Variants in PCDHGB7 observed in about 807,000 individuals in gnomAD.
The protein encoded by PCDHGB7 is protocadherin gamma subfamily B, 7.
A neutral mutation model predicts 61.4 loss-of-function variants in PCDHGB7; 37 were observed. The observed-to-expected ratio is 0.60, with a 90% CI of 0.46 to 0.79. The LOEUF (loss-of-function observed/expected upper bound fraction) is 0.79, where lower values mean the gene tolerates loss of function less well. Ranked by LOEUF, PCDHGB7 falls within the 30% of genes least tolerant of loss-of-function variation. The probability of loss-of-function intolerance (pLI) is 0.00; values close to 1 mark genes in which losing one functional copy is unlikely to be tolerated. For synonymous variants in PCDHGB7, 464 were observed against 503.5 expected (o/e 0.92, Z 1.05); for missense variants, 1,166 against 1,202.5 (o/e 0.97, Z 0.45).
chr5:141,478,164 C>G lies in PCDHGB7; in HGVS notation c.2416-16643C>G, dbSNP rs202185809. On this transcript the variant is annotated intron_variant, in intron 1 of 3. Transcript: ENST00000398594. Reference sequence around the variant, plus strand: ...GCCGAGTTCCCCTCTGGCTCTGCCCCCCGGGAGCAGAAAAAAAATCTCACC... The same window carrying G: ...GCCGAGTTCCCCTCTGGCTCTGCCCGCCGGGAGCAGAAAAAAAATCTCACC... The G allele has an allele frequency of 1.0e-4, 167 of 1,613,890 alleles. No homozygotes were observed. Among genetic ancestry groups the G allele is most frequent in the Non-Finnish European group, 1.3e-4 (157 of 1,180,048 alleles).
chr5:141,428,406 C>T (rs908202809), intron 1 of PCDHGB7: 1 of 473,274 alleles, frequency 2.1e-6, no homozygotes, highest in Non-Finnish European at 3.9e-6. Context: ...CCTGGGGTTG[C>T]TTTCACCCTG....
rs950537869 is a variant in PCDHGB7, at chr5:141,432,150, A to G, written c.2415+11876A>G. 6.2e-7 allele frequency: 1 copy of G among 1,614,010 alleles called. No homozygotes were observed. On this transcript the variant is annotated intron_variant, in intron 1 of 3. Coordinates refer to ENST00000398594, the MANE Select transcript of PCDHGB7 (RefSeq NM_018927.4). The surrounding 1 kb of genome is among the most constrained non-coding windows in gnomAD (Gnocchi z 6.0). ...TCCTATTCCGCTTATATCCCAGAGA[A>G]CAATCCCAGAGGAGTTTCCCTCGTC...
chr5:141,504,510 C>T (rs2099838864), intron 2 of PCDHGB7, among the ~76,000 whole-genome samples: 1 of 151,952 alleles, frequency 6.6e-6, no homozygotes, highest in Non-Finnish European at 1.5e-5. Context: ...GAGTGGATCT[C>T]CTCTGATATA....
At chr5:141,423,695 G>T in intron 1 of PCDHGB7, 1 of 1,338,020 alleles carries the variant, frequency 7.5e-7, no homozygotes, top group Non-Finnish European at 9.7e-7. Context: ...AATTGTTGGT[G>T]TCTTGGCACA....
chr5:141,443,136 C>T (rs910953831), intron 1 of PCDHGB7, among the ~76,000 whole-genome samples: 1 of 152,160 alleles, frequency 6.6e-6, no homozygotes, highest in African/African-American at 2.4e-5. Context: ...AGAACACTAT[C>T]ATAAGTTATA....
In PCDHGB7 at chr5:141,419,360, C is replaced by T. The variant is rs763624320; in HGVS notation, c.1501C>T (p.Leu501=). Residue 501 remains leucine, a synonymous_variant, in exon 1 of 4, where the codon CTG becomes TTG. Transcript: ENST00000398594. ...LIASDLESRT[L]SSYVSVSAQS... is the part of the protein sequence containing the mutation. ...TGCCAGCGACCTGGAGTCACGAACG[C>T]TGTCGTCCTACGTGTCCGTGAGCGC... 1 of 1,613,818 alleles carries T rather than the reference C, an allele frequency of 6.2e-7. No homozygotes were observed. Among genetic ancestry groups the T allele is most frequent in the South Asian group, 1.1e-5 (1 of 91,086 alleles).
Position 141,485,625 on chromosome 5 carries a change from G to T in PCDHGB7, c.2416-9182G>T. 6.2e-7 allele frequency: 1 copy of T among 1,611,968 alleles called. No individual in the cohort carries two copies. On this transcript the variant is annotated intron_variant, in intron 1 of 3. Transcript: ENST00000398594. This position sits in a 1 kb window ranked among gnomAD's most constrained non-coding sequence, Gnocchi z 5.7. ...GGGGAGGCAGCTCCTCCAGGACAGC[G>T]TTTCCCGTTGGAAAAGGCTCAGGAT...
chr5:141,431,603 C>T lies in PCDHGB7; in HGVS notation c.2415+11329C>T, dbSNP rs746243366. On this transcript the variant is annotated intron_variant, in intron 1 of 3. Coordinates refer to ENST00000398594, the MANE Select transcript of PCDHGB7 (RefSeq NM_018927.4). This position sits in a 1 kb window ranked among gnomAD's most constrained non-coding sequence, Gnocchi z 4.8. ...CAATGCGGAAGTGAGGTATTCCTTC[C>T]GGTATGTGGACGACAAGGCGGCCCA... is the stretch of plus-strand genomic sequence containing the variant. 1.1e-5 allele frequency: 17 copies of T among 1,614,212 alleles called. No individual in the cohort carries two copies. Among genetic ancestry groups the T allele is most frequent in the Non-Finnish European group, 1.4e-5 (16 of 1,180,044 alleles).
intron 1 of PCDHGB7, among the ~76,000 whole-genome samples, chr5:141,450,682 T>C (rs112841569): frequency 0.042 from 6,384 of 151,996 alleles, 168 homozygotes; most frequent in Middle Eastern, 0.086. Context: ...AAACGGGGTT[T>C]TGCCATGTTG....
chr5:141,482,135 G>T (rs987110875), intron 1 of PCDHGB7, among the ~76,000 whole-genome samples: 1 of 151,836 alleles, frequency 6.6e-6, no homozygotes, highest in African/African-American at 2.4e-5. Context: ...CATATGGCTG[G>T]CATAAAAAGG....
Position 141,422,537 on chromosome 5 carries a change from C to T in PCDHGB7, c.2415+2263C>T, listed in dbSNP as rs993210917. 2.5e-6 allele frequency: 4 copies of T among 1,613,874 alleles called. No individual in the cohort carries two copies. Among genetic ancestry groups the T allele is most frequent in the Non-Finnish European group, 3.4e-6 (4 of 1,179,894 alleles). ...GGAAGCCCGCCTTTGTCTGCAGAAA[C>T]TCATGTCTGGCTGAATGTGGCAGAT... is the stretch of plus-strand genomic sequence containing the variant. On this transcript the variant is annotated intron_variant, in intron 1 of 3. Coordinates refer to ENST00000398594, the MANE Select transcript of PCDHGB7 (RefSeq NM_018927.4).
chr5:141,511,041 C>T lies in PCDHGB7; in HGVS notation c.2658C>T (p.Pro886=), dbSNP rs1421629777. 1.5e-5 allele frequency: 24 copies of T among 1,614,076 alleles called. No individual in the cohort carries two copies. The highest frequency in any genetic ancestry group is 5.5e-5 in the South Asian group (5 of 91,092). Residue 886 remains proline, a synonymous_variant, in exon 4 of 4, where the codon CCC becomes CCT. Transcript: ENST00000398594. The part of the protein sequence containing the change: ...YGPQFTLQHV[P]DYRQNVYIPG... ...CCCAGTTCACCCTGCAGCACGTGCCCGACTACCGCCAGAATGTCTACATCC... is the reference window on the plus strand; with the variant it reads ...CCCAGTTCACCCTGCAGCACGTGCCTGACTACCGCCAGAATGTCTACATCC...
intron 1 of PCDHGB7, among the ~76,000 whole-genome samples, chr5:141,466,035 C>T (rs10054619): frequency 0.28 from 42,092 of 151,762 alleles, 6,545 homozygotes; most frequent in African/African-American, 0.42. Flanking sequence ...GGCAGGAGAA[C>T]GGCATGAACC....
intron 2 of PCDHGB7, among the ~76,000 whole-genome samples, chr5:141,503,423 C>T (rs1018496430): frequency 6.6e-6 from 1 of 151,752 alleles, no homozygotes; most frequent in Non-Finnish European, 1.5e-5. Context: ...GGTGAAACCC[C>T]ATCTCTACTA....
chr5:141,501,290 T>C lies in PCDHGB7; in HGVS notation c.2475-4103T>C, dbSNP rs796726601. Among the ~76,000 whole-genome samples, 19 of 136,248 alleles carry C rather than the reference T, an allele frequency of 1.4e-4. No individual in the cohort carries two copies. The South Asian group carries it at 2.4e-3, about 17-fold the overall frequency. 89.4% of individuals were successfully genotyped at this position (136,248 alleles called of 152,430 possible). ...GTCCAGTCTATGGGATATTCCCTTA[T>C]ACACACACACACACACACACACACA... On this transcript the variant is annotated intron_variant, in intron 2 of 3. Coordinates refer to ENST00000398594, the MANE Select transcript of PCDHGB7 (RefSeq NM_018927.4).
chr5:141,510,323 C>A (rs1173679711), intron 3 of PCDHGB7, among the ~76,000 whole-genome samples: 1 of 151,234 alleles, frequency 6.6e-6, no homozygotes, highest in East Asian at 2.0e-4. Flanking sequence ...TGGAAGAGCA[C>A]TCTTCACCCC....
chr5:141,504,550 G>A (rs944574179), intron 2 of PCDHGB7, among the ~76,000 whole-genome samples: 2 of 151,586 alleles, frequency 1.3e-5, no homozygotes, highest in Non-Finnish European at 2.9e-5. Context: ...GCAAATGTTG[G>A]GGGACTGGCA....
intron 2 of PCDHGB7, among the ~76,000 whole-genome samples, chr5:141,503,608 AAAAAAAG>A (rs1483073868): frequency 3.3e-5 from 5 of 151,876 alleles, no homozygotes; most frequent in South Asian, 2.1e-4. Context: ...CAAAAAAAAA[AAAAAAAG>A]AAAAAAGAAA....
rs2096375486 is a variant in PCDHGB7, at chr5:141,419,398, G to A, written c.1539G>A (p.Val513=). Residue 513 remains valine, a synonymous_variant, in exon 1 of 4, where the codon GTG becomes GTA. Transcript: ENST00000398594. The stretch of plus-strand genomic sequence containing the variant: ...TGTCCGTGAGCGCGCAGAGCGGGGT[G>A]GTGTTCGCGCAGCGCGCCTTCGACC... ...SYVSVSAQSG[V]VFAQRAFDHE... The A allele has an allele frequency of 4.3e-6, 7 of 1,613,572 alleles. No individual in the cohort carries two copies. Among genetic ancestry groups the A allele is most frequent in the Non-Finnish European group, 5.1e-6 (6 of 1,179,898 alleles).
Sources: allele counts gnomAD v4.1 joint callset (sites outside exome capture counted in the v4.1 genomes callset), GRCh38; gene constraint gnomAD v4.1.1; non-coding constraint Gnocchi (gnomAD v3.1); transcripts MANE v1.5; gene names NCBI Gene and HGNC (gene_info 2026-07-23, HGNC 2026-07-21).